MARCHF7: variants seen among roughly 807,000 people sequenced by gnomAD.
MARCHF7 encodes membrane associated ring-CH-type finger 7.
A neutral mutation model predicts 76.5 loss-of-function variants in MARCHF7; 20 were observed. The observed-to-expected ratio is 0.26, with a 90% CI of 0.18 to 0.38. MARCHF7 has a LOEUF of 0.38. MARCHF7 is among the 10% of genes least tolerant of loss of function. The probability of loss-of-function intolerance (pLI) is 1.00; values close to 1 mark genes in which losing one functional copy is unlikely to be tolerated. For synonymous variants in MARCHF7, 295 were observed against 293.0 expected, an observed-to-expected ratio of 1.01 and a Z score of -0.07; for missense variants, 797 against 812.9, an observed-to-expected ratio of 0.98 and a Z score of 0.24.
At chr2:159,739,082 CTT>C (rs1189382867) in intron 4 of MARCHF7, among the ~76,000 whole-genome samples, 1 of 152,208 alleles carries the variant, frequency 6.6e-6, no homozygotes, top group Non-Finnish European at 1.5e-5. Context: ...TTGGCCAAAA[CTT>C]TGCTCCAAAA....
intron 4 of MARCHF7, among the ~76,000 whole-genome samples, chr2:159,729,951 T>C (rs1702586246): frequency 6.6e-6 from 1 of 152,252 alleles, no homozygotes; most frequent in Non-Finnish European, 1.5e-5. Flanking sequence ...AGGTTATCTT[T>C]TTATGAAAGT....
At chr2:159,733,178 C>T in intron 4 of MARCHF7, 1 of 777,352 alleles carries the variant, frequency 1.3e-6, no homozygotes, top group Non-Finnish European at 1.6e-6. Context: ...TATTAAATTA[C>T]ATATAGTATG....
chr2:159,735,045 A>G (rs557458395), intron 4 of MARCHF7, among the ~76,000 whole-genome samples: 2 of 152,332 alleles, frequency 1.3e-5, no homozygotes, highest in Non-Finnish European at 2.9e-5. Context: ...CTTAAAGTGT[A>G]CAGTGGAGTG....
Position 159,743,084 on chromosome 2 carries a change from G to T in MARCHF7, c.177G>T (p.Ala59=). The T allele has an allele frequency of 6.2e-7, 1 of 1,613,562 alleles. No individual in the cohort carries two copies. ...EYQSTSASAS[A]SPFQSAWYSE... The stretch of plus-strand genomic sequence containing the variant: ...AGTCTACATCAGCATCAGCATCTGC[G>T]TCACCATTTCAATCTGCATGGTATA... Residue 59 remains alanine (A), a synonymous_variant, in exon 5 of 12, where the codon GCG becomes GCT. Transcript: ENST00000409175.
intron 4 of MARCHF7, among the ~76,000 whole-genome samples, chr2:159,738,745 AC>A (rs991366984): frequency 2.6e-5 from 4 of 152,108 alleles, no homozygotes. Flanking sequence ...TGGGATAAGC[AC>A]CATAAGTTCT....
intron 5 of MARCHF7, 138 bp downstream of exon 5, chr2:159,743,391 C>A: frequency 2.8e-6 from 2 of 726,260 alleles, no homozygotes; most frequent in Non-Finnish European, 4.4e-6. Flanking sequence ...CAAAATCTTA[C>A]TTTAAATTAA....
intron 4 of MARCHF7, among the ~76,000 whole-genome samples, chr2:159,732,346 AT>A (rs1702916740): frequency 6.6e-6 from 1 of 152,112 alleles, no homozygotes; most frequent in Admixed American, 6.6e-5. Context: ...AATTTTAGGT[AT>A]TTTCTAAATG....
intron 5 of MARCHF7, among the ~76,000 whole-genome samples, 178 bp downstream of exon 5, chr2:159,743,431 C>T (rs1055309948): frequency 2.6e-5 from 4 of 152,054 alleles, no homozygotes; most frequent in Non-Finnish European, 4.4e-5. Context: ...CTGCATTTTT[C>T]TTGTAAAATT....
At chr2:159,726,622 G>C (rs1574235311) in intron 3 of MARCHF7, among the ~76,000 whole-genome samples, 1 of 152,126 alleles carries the variant, frequency 6.6e-6, no homozygotes, top group East Asian at 1.9e-4. Context: ...CCCCCAACCT[G>C]TTGTTATTTT....
chr2:159,764,749 A>G lies in MARCHF7; in HGVS notation c.2056+75A>G, dbSNP rs1340695664. 5.1e-6 allele frequency: 6 copies of G among 1,180,662 alleles called. No individual in the cohort carries two copies. The East Asian group carries it at 1.5e-4, about 30-fold the overall frequency. The allele number at this position is 1,180,662 out of a possible 1,614,324, so 73.1% of individuals were successfully genotyped here. A position where few individuals can be genotyped will look rare whatever the true frequency, so the allele number is the denominator to read the frequency against. ...TAAACCCAAAGCAAAACCTAAGTAT[A>G]TACTCTGTTCTGCCAAATTAGAGCT... On this transcript the variant is annotated intron_variant, in intron 11 of 11. Transcript: ENST00000409175.
chr2:159,744,178 G>A lies in MARCHF7; in HGVS notation c.346+925G>A, dbSNP rs556478991. ...AATTTTTTGTATTTTTAGTAGAGACGGGGTTTCACCGTTTTTAGCCGGGAT... is the reference window on the plus strand; with the variant it reads ...AATTTTTTGTATTTTTAGTAGAGACAGGGTTTCACCGTTTTTAGCCGGGAT... On this transcript the variant is annotated intron_variant, in intron 5 of 11. Transcript: ENST00000409175. 5.2e-4 allele frequency among the ~76,000 whole-genome samples: 78 copies of A among 151,358 alleles called. No homozygotes were observed. The East Asian group carries it at 0.011, about 21-fold the overall frequency.
chr2:159,742,999 T>G, intron 4 of MARCHF7, 62 bp from the exon 5 acceptor site: 1 of 1,371,776 alleles, frequency 7.3e-7, no homozygotes, highest in East Asian at 2.3e-5. Context: ...TAGAGGACTG[T>G]GGGTTAAATT....
intron 10 of MARCHF7, among the ~76,000 whole-genome samples, chr2:159,764,212 TTG>T (rs377705664): frequency 0.12 from 17,161 of 138,422 alleles, 1,145 homozygotes; most frequent in African/African-American, 0.19. Context: ...CTTGGGAGTT[TTG>T]TGTGTGTGTG....
intron 8 of MARCHF7, among the ~76,000 whole-genome samples, chr2:159,754,512 G>A (rs1706049615): frequency 6.6e-6 from 1 of 152,088 alleles, no homozygotes; most frequent in Non-Finnish European, 1.5e-5. Context: ...TCGATACTTT[G>A]AACAAATTTA....
intron 4 of MARCHF7, among the ~76,000 whole-genome samples, chr2:159,737,940 C>CT (rs1406304242): frequency 1.3e-5 from 2 of 152,188 alleles, no homozygotes; most frequent in African/African-American, 2.4e-5. Context: ...CTGGTGGTGC[C>CT]TTTGCCCAGG....
At chr2:159,747,363 C>T (rs1273856841) in intron 6 of MARCHF7, among the ~76,000 whole-genome samples, 1 of 151,920 alleles carries the variant, frequency 6.6e-6, no homozygotes, top group East Asian at 1.9e-4. Context: ...ATTTATTGCA[C>T]AGAGTAAAAA....
intron 1 of MARCHF7, among the ~76,000 whole-genome samples, chr2:159,713,454 A>C (rs1700542940): frequency 6.6e-6 from 1 of 152,244 alleles, no homozygotes; most frequent in Admixed American, 6.5e-5. Context: ...ACTATTAGTT[A>C]AATGTGTGAA....
chr2:159,732,496 T>C (rs1307678150), intron 4 of MARCHF7, among the ~76,000 whole-genome samples: 1 of 152,164 alleles, frequency 6.6e-6, no homozygotes, highest in African/African-American at 2.4e-5. Context: ...AAATTGAAAC[T>C]CCTGTGTTCT....
At chr2:159,745,525 C>T (rs1415497669) in intron 5 of MARCHF7, among the ~76,000 whole-genome samples, 2 of 152,074 alleles carry the variant, frequency 1.3e-5, no homozygotes, top group Non-Finnish European at 2.9e-5. Context: ...CATGGTGGCA[C>T]GCGCCTTGTA....
Sources: gnomAD v4.1 joint callset for allele counts (sites outside exome capture counted in the v4.1 genomes callset) on GRCh38, gnomAD v4.1.1 for gene constraint, MANE v1.5 for transcripts, NCBI Gene and HGNC (gene_info 2026-07-23, HGNC 2026-07-21) for gene names.